Variants in GNA14 observed in about 807,000 individuals in gnomAD.
GNA14 encodes the protein guanine nucleotide-binding protein subunit alpha-14.
In GNA14, 50 loss-of-function variants were observed where a neutral mutation model predicts 42.0. That is an observed-to-expected ratio of 1.19 (90% CI 0.95 to 1.51). The LOEUF (loss-of-function observed/expected upper bound fraction) is 1.51, where lower values mean the gene tolerates loss of function less well. Ranked by LOEUF, GNA14 falls within the 40% of genes most tolerant of loss-of-function variation. The pLI, the probability that GNA14 is intolerant of heterozygous loss-of-function variation, is 0.00. For synonymous variants in GNA14, 173 were observed against 163.1 expected (o/e 1.06, Z -0.46); for missense variants, 473 against 446.2 (o/e 1.06, Z -0.54).
intron 1 of GNA14, among the ~76,000 whole-genome samples, chr9:77,569,104 C>A (rs1237196269): frequency 4.0e-5 from 6 of 151,816 alleles, no homozygotes; most frequent in African/African-American, 1.5e-4. Context: ...AGCTCCGCCA[C>A]CCCAGATGCA....
chr9:77,472,817 T>TCTCTCC (rs1232496216), intron 2 of GNA14, among the ~76,000 whole-genome samples: 2 of 148,446 alleles, frequency 1.3e-5, no homozygotes, highest in African/African-American at 2.5e-5. Context: ...TCTCTCTCTC[T>TCTCTCC]CCTCCAAGCC....
rs997111716 is a variant in GNA14 at position 77,513,003 on chromosome 9, T to C, written c.309+16066A>G. On this transcript the variant is annotated intron_variant, in intron 2 of 6. Transcript: ENST00000341700. ...AGAAGGTTCTTCAATCCTCAAACTT[T>C]ATCCAGTGAAAGCACTAATCCTGAT... Among the ~76,000 whole-genome samples, 5 of 152,256 alleles carry C rather than the reference T, an allele frequency of 3.3e-5. No homozygotes were observed. The East Asian group carries it at 9.6e-4, about 29-fold the overall frequency.
chr9:77,531,184 A>G (rs1184596794), intron 1 of GNA14, among the ~76,000 whole-genome samples: 2 of 152,202 alleles, frequency 1.3e-5, no homozygotes, highest in Non-Finnish European at 2.9e-5. Context: ...ACCACGAACA[A>G]TGTGCCTGCT....
At chr9:77,546,293 C>T (rs2131779065) in intron 1 of GNA14, among the ~76,000 whole-genome samples, 1 of 147,678 alleles carries the variant, frequency 6.8e-6, no homozygotes, top group East Asian at 2.0e-4. Flanking sequence ...TGGGCTTTTT[C>T]TTAGCATTTA....
intron 4 of GNA14, among the ~76,000 whole-genome samples, chr9:77,430,872 C>A (rs149961469): frequency 5.3e-5 from 8 of 152,150 alleles, no homozygotes; most frequent in African/African-American, 1.9e-4. Flanking sequence ...ACATATTATT[C>A]TTCACAGTTT....
intron 1 of GNA14, among the ~76,000 whole-genome samples, chr9:77,531,725 T>G (rs1435010241): frequency 4.6e-5 from 7 of 152,188 alleles, no homozygotes; most frequent in Admixed American, 4.6e-4. Flanking sequence ...TAAGAGAATC[T>G]TTTTGCTAAT....
At chr9:77,600,721 C>T (rs1437790471) in intron 1 of GNA14, among the ~76,000 whole-genome samples, 2 of 152,146 alleles carry the variant, frequency 1.3e-5, no homozygotes, top group East Asian at 3.9e-4. Context: ...AGTTCGAGAC[C>T]AGCCTGGCCA....
chr9:77,556,626 G>C (rs1822785311), intron 1 of GNA14, among the ~76,000 whole-genome samples: 1 of 152,098 alleles, frequency 6.6e-6, no homozygotes, highest in Non-Finnish European at 1.5e-5. Context: ...ACAACTGTGT[G>C]CTCAGAGTTC....
chr9:77,579,954 C>G (rs1212381851), intron 1 of GNA14, among the ~76,000 whole-genome samples: 1 of 152,172 alleles, frequency 6.6e-6, no homozygotes, highest in African/African-American at 2.4e-5. Flanking sequence ...TATTAAGAAC[C>G]TATTATGAGC....
At chr9:77,622,836 G>C (rs1823949911) in intron 1 of GNA14, among the ~76,000 whole-genome samples, 1 of 150,164 alleles carries the variant, frequency 6.7e-6, no homozygotes, top group Non-Finnish European at 1.5e-5. Context: ...AGAGCTTACA[G>C]TGAGCTGAGA....
chr9:77,429,639 A>G (rs562147028), intron 4 of GNA14, among the ~76,000 whole-genome samples: 4 of 152,198 alleles, frequency 2.6e-5, no homozygotes, highest in African/African-American at 9.7e-5. Context: ...TGCTACAAGA[A>G]TCAGGCAGTT....
intron 2 of GNA14, among the ~76,000 whole-genome samples, chr9:77,510,719 G>A (rs965616873): frequency 1.1e-4 from 17 of 152,224 alleles, no homozygotes; most frequent in African/African-American, 3.9e-4. Context: ...ATGCCCCTGG[G>A]AGAAGTGATG....
intron 1 of GNA14, 36 bp downstream of exon 1, chr9:77,647,634 G>T (rs773234193): frequency 1.3e-6 from 2 of 1,592,588 alleles, no homozygotes; most frequent in African/African-American, 1.3e-5. Context: ...GAAGAAAAAC[G>T]CCCGGCTCAC....
At position 77,636,732 on chromosome 9, in the gene GNA14, G is replaced by A. The variant is rs967071906; in HGVS notation, c.124+10938C>T. 2.3e-4 allele frequency among the ~76,000 whole-genome samples: 35 copies of A among 152,176 alleles called. 2 individuals are homozygous for A. The highest frequency in any genetic ancestry group is 2.4e-5 in the African/African-American group (1 of 41,434). On this transcript the variant is annotated intron_variant, in intron 1 of 6. Coordinates refer to ENST00000341700, the MANE Select transcript of GNA14 (RefSeq NM_004297.4). ...AGTGAGAACTCACTCCCAAGGGAGG[G>A]CACTAATCTATTCTTGAGGGATCTG...
At chr9:77,580,522 G>A in intron 1 of GNA14, 1 of 443,872 alleles carries the variant, frequency 2.3e-6, no homozygotes, top group South Asian at 2.3e-5. Flanking sequence ...TAAGGTAGAT[G>A]AAGACCCCAT....
chr9:77,561,908 A>G (rs1822889262), intron 1 of GNA14, among the ~76,000 whole-genome samples: 1 of 152,156 alleles, frequency 6.6e-6, no homozygotes, highest in South Asian at 2.1e-4. Context: ...TACCAGTCAA[A>G]TAAGGTATTA....
intron 1 of GNA14, among the ~76,000 whole-genome samples, chr9:77,631,896 C>G (rs1457633808): frequency 6.6e-6 from 1 of 152,156 alleles, no homozygotes; most frequent in African/African-American, 2.4e-5. Context: ...GAGGCAGGCA[C>G]AAGCAGGATC....
chr9:77,608,265 A>G (rs1823670209), intron 1 of GNA14, among the ~76,000 whole-genome samples: 1 of 152,236 alleles, frequency 6.6e-6, no homozygotes, highest in Non-Finnish European at 1.5e-5. Context: ...GAATATCTAT[A>G]TAACCTATGC....
intron 2 of GNA14, among the ~76,000 whole-genome samples, chr9:77,457,199 G>T (rs896113583): frequency 6.6e-6 from 1 of 152,246 alleles, no homozygotes; most frequent in Admixed American, 6.5e-5. Flanking sequence ...CTTTGAGAAA[G>T]TGGGAGCGAG....
Sources: gnomAD v4.1 joint callset for allele counts (sites outside exome capture counted in the v4.1 genomes callset) on GRCh38, gnomAD v4.1.1 for gene constraint, MANE v1.5 for transcripts, NCBI Gene and HGNC (gene_info 2026-07-23, HGNC 2026-07-21) for gene names.